TJP2: variants seen among roughly 807,000 people sequenced by gnomAD.
TJP2 encodes the protein Friedreich ataxia region gene X104 (tight junction protein ZO-2).
A neutral mutation model predicts 133.1 loss-of-function variants in TJP2; 91 were observed. The ratio of observed to expected loss-of-function variants is 0.68; its 90% CI spans 0.58 to 0.81. TJP2 has a LOEUF of 0.81. Ranked by LOEUF, TJP2 falls within the 40% of genes least tolerant of loss-of-function variation. The pLI is 0.00. For synonymous variants in TJP2, 592 were observed against 583.4 expected (o/e 1.01, Z -0.21); for missense variants, 1,541 against 1,565.6 (o/e 0.98, Z 0.26).
At chr9:69,244,166 A>T (rs1364443909) in intron 17 of TJP2, among the ~76,000 whole-genome samples, 1 of 149,592 alleles carries the variant, frequency 6.7e-6, no homozygotes, top group Non-Finnish European at 1.5e-5. Flanking sequence ...CCTGGGCGAC[A>T]ATGAGACCCT....
intron 22 of TJP2, 122 bp downstream of exon 22, chr9:69,253,022 C>T (rs1376989490): frequency 1.2e-6 from 1 of 845,656 alleles, no homozygotes; most frequent in Non-Finnish European, 1.9e-6. Context: ...CACAGATTGA[C>T]TGTTTGCCTT....
At chr9:69,153,404 G>A (rs1369362644) in intron 2 of TJP2, among the ~76,000 whole-genome samples, 17 of 152,030 alleles carry the variant, frequency 1.1e-4, no homozygotes, top group African/African-American at 4.1e-4. Context: ...GCAACATGGC[G>A]AAACCCCATC....
At chr9:69,194,212 C>T (rs933079747) in intron 1 of TJP2, among the ~76,000 whole-genome samples, 1 of 150,470 alleles carries the variant, frequency 6.6e-6, no homozygotes, top group African/African-American at 2.5e-5. Context: ...TTTAGAGACA[C>T]CAAAAGGATT....
chr9:69,169,728 GAT>G (rs2132903303), upstream of TJP2, among the ~76,000 whole-genome samples: 2 of 151,892 alleles, frequency 1.3e-5, no homozygotes, highest in South Asian at 4.2e-4. Context: ...CCATATTGCA[GAT>G]ATATACATAT....
At chr9:69,215,163 A>C (rs1288477498) in intron 2 of TJP2, among the ~76,000 whole-genome samples, 1 of 152,150 alleles carries the variant, frequency 6.6e-6, no homozygotes, top group Non-Finnish European at 1.5e-5. Flanking sequence ...TGGGAATTCC[A>C]AAAGTACGGA....
chr9:69,203,607 A>ATTTTTTT (rs754221310), intron 1 of TJP2, among the ~76,000 whole-genome samples: 10,664 of 67,470 alleles, frequency 0.16, 1,992 homozygotes, highest in East Asian at 0.2. Flanking sequence ...CCCAGCCTGG[A>ATTTTTTT]TTTTTTTTTT....
intron 1 of TJP2, among the ~76,000 whole-genome samples, chr9:69,137,156 C>T (rs1247497490): frequency 2.0e-5 from 3 of 152,144 alleles, no homozygotes; most frequent in African/African-American, 4.8e-5. Context: ...AGCCTCTCGT[C>T]ATGAGCTGAG....
At chr9:69,235,327 A>ATTT (rs1554665075) in intron 12 of TJP2, among the ~76,000 whole-genome samples, 1 of 144,344 alleles carries the variant, frequency 6.9e-6, no homozygotes, top group Non-Finnish European at 1.5e-5. Flanking sequence ...TTATTTATTT[A>ATTT]TTATTATTTT....
At chr9:69,248,430 T>A in intron 19 of TJP2, 1 of 1,425,472 alleles carries the variant, frequency 7.0e-7, no homozygotes. Context: ...TCAGAAGAGC[T>A]TGAGGGGTCA....
At chr9:69,183,228 G>C (rs1564411428) in intron 1 of TJP2, among the ~76,000 whole-genome samples, 1 of 152,126 alleles carries the variant, frequency 6.6e-6, no homozygotes, top group Non-Finnish European at 1.5e-5. Flanking sequence ...TCTAGTTCCA[G>C]AGGTAGGTGA....
chr9:69,126,107 A>T (rs1454488001), intron 1 of TJP2, among the ~76,000 whole-genome samples: 1 of 76,664 alleles, frequency 1.3e-5, no homozygotes, highest in Non-Finnish European at 3.0e-5. Context: ...AGAATAAGAA[A>T]TTCCTACCTA....
At chr9:69,161,269 C>T (rs542452846) in intron 2 of TJP2, among the ~76,000 whole-genome samples, 11 of 152,024 alleles carry the variant, frequency 7.2e-5, no homozygotes, top group Admixed American at 7.2e-4. Context: ...GCTCTTGTTG[C>T]CCAGGCTAGA....
chr9:69,212,914 G>A (rs1454880234), intron 2 of TJP2, among the ~76,000 whole-genome samples: 4 of 152,210 alleles, frequency 2.6e-5, no homozygotes. Context: ...GTTTAAGGAT[G>A]TGGAGGGAGC....
intron 1 of TJP2, among the ~76,000 whole-genome samples, chr9:69,212,167 A>G (rs1395431654): frequency 6.6e-6 from 1 of 152,234 alleles, no homozygotes; most frequent in African/African-American, 2.4e-5. Flanking sequence ...AAACTTGCCT[A>G]CGAGGTCACC....
intron 1 of TJP2, among the ~76,000 whole-genome samples, chr9:69,199,508 C>T (rs1229260089): frequency 7.2e-5 from 11 of 151,820 alleles, no homozygotes; most frequent in African/African-American, 2.7e-4. Context: ...CCAGCCTGGG[C>T]GACAGAACAA....
At chr9:69,193,279 C>T (rs1422575830) in intron 1 of TJP2, among the ~76,000 whole-genome samples, 3 of 151,894 alleles carry the variant, frequency 2.0e-5, no homozygotes, top group East Asian at 3.9e-4. Flanking sequence ...ATTTTCAATT[C>T]GTAGGGAACC....
At chr9:69,174,101 C>G, upstream of TJP2, 1 of 1,172,876 alleles carries the variant, frequency 8.5e-7, no homozygotes, top group Non-Finnish European at 1.1e-6. Flanking sequence ...CCGGCGAGCC[C>G]TTCCCCGGCA....
In TJP2 at chr9:69,249,159, G is replaced by A. The variant is rs576562007; in HGVS notation, c.2881-216G>A. The stretch of plus-strand genomic sequence containing the variant: ...TTTTGGAGGGTTCTTAAAAAATTGT[G>A]CTTTAAAGGAAGAGACTCTACATTG... On this transcript the variant is annotated intron_variant, in intron 19 of 22. Transcript: ENST00000377245. The A allele has an allele frequency of 2.6e-5, 26 of 985,336 alleles. No homozygotes were observed. In the African/African-American group the frequency reaches 4.2e-4, roughly 16 times the overall value. The allele number at this position is 985,336 out of a possible 1,614,324, so 61.0% of individuals were successfully genotyped here. A position where few individuals can be genotyped will look rare whatever the true frequency, so the allele number is the denominator to read the frequency against.
intron 16 of TJP2, among the ~76,000 whole-genome samples, chr9:69,239,328 A>G (rs1830428146): frequency 6.6e-6 from 1 of 152,136 alleles, no homozygotes; most frequent in East Asian, 1.9e-4. Flanking sequence ...ATATATATAT[A>G]ATGTAAATGC....
Sources: allele counts gnomAD v4.1 joint callset (sites outside exome capture counted in the v4.1 genomes callset), GRCh38; gene constraint gnomAD v4.1.1; transcripts MANE v1.5; gene names NCBI Gene and HGNC (gene_info 2026-07-23, HGNC 2026-07-21).